Variants in RBM5 observed in about 807,000 individuals in gnomAD.
RBM5 encodes RNA binding motif protein 5.
RBM5 carries 15 observed loss-of-function variants against 124.6 expected under a neutral mutation model. The ratio of observed to expected loss-of-function variants is 0.12; its 90% confidence interval spans 0.08 to 0.19. The LOEUF is 0.19. Ranked by LOEUF, RBM5 falls within the 10% of genes least tolerant of loss-of-function variation. The probability of loss-of-function intolerance (pLI) is 1.00; values close to 1 mark genes in which losing one functional copy is unlikely to be tolerated. For synonymous variants in RBM5, 337 were observed against 361.2 expected, an observed-to-expected ratio of 0.93 and a Z score of 0.76; for missense variants, 580 against 1,026.5, an observed-to-expected ratio of 0.57 and a Z score of 5.94.
At chr3:50,107,974 C>A (rs542527287) in intron 12 of RBM5, 96 bp from the exon 13 acceptor site, 1 of 1,062,376 alleles carries the variant, frequency 9.4e-7, no homozygotes, top group Admixed American at 1.8e-5. Flanking sequence ...CCGTGAGCCA[C>A]AGCGCCCAGC....
chr3:50,106,301 C>T (rs754864185), intron 10 of RBM5, among the ~76,000 whole-genome samples: 5 of 151,982 alleles, frequency 3.3e-5, no homozygotes, highest in African/African-American at 4.8e-5. Context: ...CCACCATGCT[C>T]AGCTAATTTT....
intron 1 of RBM5, among the ~76,000 whole-genome samples, chr3:50,089,651 G>T (rs1298437490): frequency 2.0e-5 from 3 of 152,172 alleles, no homozygotes; most frequent in Non-Finnish European, 4.4e-5. Context: ...TCAACAAATC[G>T]TTGAGCATTC....
chr3:50,103,766 T>C (rs990166060), intron 7 of RBM5, among the ~76,000 whole-genome samples: 3 of 152,222 alleles, frequency 2.0e-5, no homozygotes, highest in Non-Finnish European at 4.4e-5. Context: ...CGTAGTCTCT[T>C]AACTGTATTA....
intron 4 of RBM5, among the ~76,000 whole-genome samples, chr3:50,097,759 G>T (rs1182259126): frequency 6.6e-6 from 1 of 152,130 alleles, no homozygotes; most frequent in African/African-American, 2.4e-5. Flanking sequence ...GATGAACTTT[G>T]AAAATTTTTA....
intron 17 of RBM5, among the ~76,000 whole-genome samples, chr3:50,112,388 C>T (rs1038326451): frequency 1.2e-4 from 17 of 137,466 alleles, no homozygotes; most frequent in African/African-American, 3.7e-4. Flanking sequence ...TGCACTCCAG[C>T]CTGGGTGACG....
Position 50,117,274 on chromosome 3 carries a change from T to C in RBM5, c.2217T>C (p.Asp739=), listed in dbSNP as rs1278501458. Residue 739 remains aspartate, a synonymous_variant, in exon 24 of 25, where the codon GAT becomes GAC. Coordinates refer to ENST00000347869, the MANE Select transcript of RBM5 (RefSeq NM_005778.4). This position sits in a 1 kb window ranked among gnomAD's most constrained non-coding sequence, Gnocchi z 4.2. The part of the protein sequence containing the change: ...GTVNYEQPTK[D]GIDHSNIGNK... ...GGAATTACGAGCAACCCACCAAAGA[T>C]GGCATTGACCACAGTAACATTGGCA... 1.2e-6 allele frequency: 2 copies of C among 1,614,222 alleles called. No individual in the cohort carries two copies. Among genetic ancestry groups the C allele is most frequent in the Non-Finnish European group, 1.7e-6 (2 of 1,180,042 alleles).
chr3:50,116,018 G>A (rs774979992), intron 22 of RBM5, 38 bp downstream of exon 22: 1 of 1,555,758 alleles, frequency 6.4e-7, no homozygotes, highest in African/African-American at 1.4e-5. Context: ...GAGGATATTG[G>A]GATAATTGCC....
At position 50,108,132 on chromosome 3, in the gene RBM5, T is replaced by C. The variant is rs2091073244; in HGVS notation, c.1104T>C (p.Tyr368=). The C allele has an allele frequency of 1.9e-6, 3 of 1,610,394 alleles. No homozygotes were observed. Among genetic ancestry groups the C allele is most frequent in the Non-Finnish European group, 2.5e-6 (3 of 1,176,578 alleles). ...ATCTGCAACCAGGTCAAGATGGCTA[T>C]GCCCAATATGCTCAGGTAGGTAGAT... is the stretch of plus-strand genomic sequence containing the variant. ...YSYLQPGQDG[Y]AQYAQYSQDY... is the part of the protein sequence containing the mutation. The change falls in exon 13 of 25, where the codon TAT becomes TAC. Residue 368 remains tyrosine, a synonymous_variant. Coordinates refer to ENST00000347869, the MANE Select transcript of RBM5 (RefSeq NM_005778.4).
intron 4 of RBM5, 161 bp downstream of exon 4, chr3:50,094,036 A>C (rs1489140508): frequency 1.6e-6 from 1 of 632,748 alleles, no homozygotes; most frequent in East Asian, 2.8e-5. Flanking sequence ...ATTTTTTTTT[A>C]ATATTTGCAT....
intron 3 of RBM5, 73 bp downstream of exon 3, chr3:50,092,281 G>A: frequency 1.3e-6 from 2 of 1,502,558 alleles, no homozygotes; most frequent in African/African-American, 2.8e-5. Context: ...CAGCCAGGCA[G>A]CCAGGTCCAG....
intron 3 of RBM5, 59 bp from the exon 4 acceptor site, chr3:50,093,661 G>C: frequency 1.3e-6 from 2 of 1,521,054 alleles, no homozygotes; most frequent in Non-Finnish European, 1.8e-6. Context: ...TAGGAGTGGA[G>C]GGTCTGTTTC....
At chr3:50,099,144 A>G (rs2090887074) in intron 4 of RBM5, among the ~76,000 whole-genome samples, 1 of 151,972 alleles carries the variant, frequency 6.6e-6, no homozygotes, top group Non-Finnish European at 1.5e-5. Flanking sequence ...AGTCCCAGCT[A>G]CTTAGGAGGC....
intron 12 of RBM5, 109 bp downstream of exon 12, chr3:50,107,678 T>TTTTTTTC (rs2091062665): frequency 2.5e-6 from 1 of 399,562 alleles, no homozygotes. Flanking sequence ...TTTTCTTTTT[T>TTTTTTTC]TTTTTTTTTT....
At chr3:50,093,602 C>T in intron 3 of RBM5, 118 bp from the exon 4 acceptor site, 2 of 1,156,518 alleles carry the variant, frequency 1.7e-6, no homozygotes, top group South Asian at 1.6e-5. Flanking sequence ...TGAACATTAC[C>T]ATGGAGTGCT....
chr3:50,115,587 C>T lies in RBM5; in HGVS notation c.1999C>T (p.Gln667Ter). 6.2e-7 allele frequency: 1 copy of T among 1,611,954 alleles called. No individual in the cohort carries two copies. The highest frequency in any genetic ancestry group is 8.5e-7 in the Non-Finnish European group (1 of 1,179,410). ...CAAAGATGCCCTAGTCAGGCACCAG[C>T]AACTCTCAGACCTTCACAAGGTGGC... Reference protein sequence around the residue: ...PNKDALVRHQQLSDLHKQNMD... With the variant: ...PNKDALVRHQ The change falls in exon 21 of 25, where the codon CAA (glutamine) becomes TAA (stop). Residue 667 changes from glutamine to a stop codon, truncating the protein, a stop_gained. Coordinates refer to ENST00000347869, the MANE Select transcript of RBM5 (RefSeq NM_005778.4). LOFTEE classifies it high-confidence loss of function.
chr3:50,114,534 TAAGAC>T (rs2091206545), intron 20 of RBM5: 1 of 382,844 alleles, frequency 2.6e-6, no homozygotes, highest in African/African-American at 2.1e-5. Flanking sequence ...AAGAGAAAAT[TAAGAC>T]AAGAAAAAGC....
At position 50,110,368 on chromosome 3, in the gene RBM5, G is replaced by A; in HGVS notation, c.1279-11G>A. 1 of 1,613,316 alleles carries A rather than the reference G, an allele frequency of 6.2e-7. No individual in the cohort carries two copies. Among genetic ancestry groups the A allele is most frequent in the Non-Finnish European group, 8.5e-7 (1 of 1,179,368 alleles). On this transcript the variant is annotated splice_polypyrimidine_tract_variant and intron_variant, in intron 15 of 24. Coordinates refer to ENST00000347869, the MANE Select transcript of RBM5 (RefSeq NM_005778.4). ...CAGTTGAAATTATATTGAAGCTGCT[G>A]TTCTTTCCAGACTGAGGAAGCACAG...
At chr3:50,104,179 C>T in intron 7 of RBM5, 69 bp from the exon 8 acceptor site, 1 of 1,352,604 alleles carries the variant, frequency 7.4e-7, no homozygotes, top group Non-Finnish European at 1.1e-6. Flanking sequence ...CCCGTGGCCC[C>T]ACTGTTATTG....
chr3:50,100,026 T>C lies in RBM5; in HGVS notation c.384T>C (p.Asp128=), dbSNP rs766482140. The change falls in exon 5 of 25, where the codon GAT becomes GAC. Residue 128 remains aspartate, a synonymous_variant. Transcript: ENST00000347869. This position sits in a 1 kb window ranked among gnomAD's most constrained non-coding sequence, Gnocchi z 5.1. Reference sequence around the variant, plus strand: ...CCTTCGAAGGCCCTCAGCCTGCGGATGTGAGGCTGATGAAGAGGAAAACAG... The same window carrying C: ...CCTTCGAAGGCCCTCAGCCTGCGGACGTGAGGCTGATGAAGAGGAAAACAG... ...MESFEGPQPA[D]VRLMKRKTGV... is the part of the protein sequence containing the mutation. 3 of 1,614,072 alleles carry C rather than the reference T, an allele frequency of 1.9e-6. No homozygotes were observed. Among genetic ancestry groups the C allele is most frequent in the Admixed American group, 1.7e-5 (1 of 60,006 alleles).
Sources: gnomAD v4.1 joint callset for allele counts (sites outside exome capture counted in the v4.1 genomes callset) on GRCh38, gnomAD v4.1.1 for gene constraint, Gnocchi (gnomAD v3.1) non-coding constraint, MANE v1.5 for transcripts, NCBI Gene and HGNC (gene_info 2026-07-23, HGNC 2026-07-21) for gene names.